The following FAM20A variants were observed in gnomAD, a reference collection of about 807,000 sequenced individuals.
FAM20A encodes the protein FAM20A golgi associated secretory pathway pseudokinase, also known as pseudokinase FAM20A.
In FAM20A, 42 loss-of-function variants were observed where a neutral mutation model predicts 52.0. The observed-to-expected ratio is 0.81, with a 90% confidence interval of 0.63 to 1.04. FAM20A has a LOEUF of 1.04. Among genes scored for constraint, FAM20A ranks in the 50% least tolerant of loss-of-function variants. The probability of loss-of-function intolerance (pLI) is 0.00; values close to 1 mark genes in which losing one functional copy is unlikely to be tolerated. For missense variants in FAM20A, 742 were observed against 712.7 expected (o/e 1.04, Z -0.47); for synonymous variants, 304 against 298.9 (o/e 1.02, Z -0.18).
Position 68,537,663 on chromosome 17 carries a change from T to G in FAM20A, c.1440A>C (p.Ser480=). ...CAGGGCTGAGCTGGTCTTCCAGCAG[T>G]GATTCTCGCATCACATCGCTGAGTC... The part of the protein sequence containing the change: ...DYRLSDVMRE[S]LLEDQLSPVL... The change falls in exon 11 of 11, where the codon TCA becomes TCC. Residue 480 remains serine (S), a synonymous_variant. Transcript: ENST00000592554. This position sits in a 1 kb window ranked among gnomAD's most constrained non-coding sequence, Gnocchi z 4.2. 6.2e-7 allele frequency: 1 copy of G among 1,613,858 alleles called. No individual in the cohort carries two copies. Among genetic ancestry groups the G allele is most frequent in the South Asian group, 1.1e-5 (1 of 90,934 alleles).
intron 1 of FAM20A, among the ~76,000 whole-genome samples, chr17:68,575,639 A>G (rs1317384624): frequency 9.1e-6 from 1 of 110,310 alleles, no homozygotes; most frequent in Admixed American, 1.2e-4. Context: ...TATAATATAG[A>G]ATATTATATT....
At chr17:68,567,493 G>C (rs2087410355) in intron 1 of FAM20A, among the ~76,000 whole-genome samples, 1 of 151,946 alleles carries the variant, frequency 6.6e-6, no homozygotes, top group African/African-American at 2.4e-5. Context: ...TCTCCCTGAA[G>C]CTGGCCCTGG....
intron 4 of FAM20A, among the ~76,000 whole-genome samples, chr17:68,549,514 G>A (rs2143628916): frequency 6.9e-6 from 1 of 144,584 alleles, no homozygotes; most frequent in Non-Finnish European, 1.5e-5. Flanking sequence ...AAAAAAGTTA[G>A]AGACATCCTA....
At chr17:68,561,653 T>A (rs2087218408) in intron 1 of FAM20A, among the ~76,000 whole-genome samples, 1 of 151,306 alleles carries the variant, frequency 6.6e-6, no homozygotes, top group African/African-American at 2.4e-5. Context: ...CTTATCCACA[T>A]GAATTTTACA....
intron 5 of FAM20A, 56 bp from the exon 6 acceptor site, chr17:68,542,865 G>A: frequency 7.2e-7 from 1 of 1,393,348 alleles, no homozygotes; most frequent in Non-Finnish European, 1.0e-6. Context: ...TGAGGAGGAG[G>A]GGTTTTGTCC....
intron 1 of FAM20A, among the ~76,000 whole-genome samples, chr17:68,573,829 C>T (rs1244693519): frequency 3.3e-5 from 5 of 151,966 alleles, no homozygotes; most frequent in African/African-American, 1.2e-4. Context: ...GCCACCATGC[C>T]CAGCCCAGCT....
chr17:68,600,509 A>T lies in FAM20A; in HGVS notation c.158T>A (p.Leu53Gln), dbSNP rs79958465. 3.1e-3 allele frequency: 4,900 copies of T among 1,584,974 alleles called. 126 individuals are homozygous for T. In the African/African-American group the frequency reaches 0.056, roughly 18 times the overall value. ...GGCAGCTGCGGCCGAGTCCCGCGCC[A>T]GGGAGGAGGCGCGGCCGGTGCACGG... ...GCPCTGRASS[L>Q]ARDSAAAASD... is the part of the protein sequence containing the mutation. The change falls in exon 1 of 11, where the codon CTG becomes CAG. Residue 53 changes from leucine to glutamine, a missense_variant. Coordinates refer to ENST00000592554, the MANE Select transcript of FAM20A (RefSeq NM_017565.4). This position sits in a 1 kb window ranked among gnomAD's most constrained non-coding sequence, Gnocchi z 6.2.
chr17:68,535,209 T>C lies in FAM20A; in HGVS notation c.*2268A>G. On this transcript the variant is annotated 3_prime_UTR_variant, in exon 11 of 11. Coordinates refer to ENST00000592554, the MANE Select transcript of FAM20A (RefSeq NM_017565.4). ...AGTAAGAATGAAACGGTTGGTTTTC[T>C]GATATTTTTGAGAAATGAGTCTTAA... The C allele has an allele frequency of 2.2e-6, 1 of 448,130 alleles. No individual in the cohort carries two copies. Among genetic ancestry groups the C allele is most frequent in the Non-Finnish European group, 4.5e-6 (1 of 222,582 alleles). The allele number at this position is 448,130 out of a possible 1,614,324, so 27.8% of individuals were successfully genotyped here.
At chr17:68,559,900 T>G (rs964125640) in intron 1 of FAM20A, among the ~76,000 whole-genome samples, 29 of 152,214 alleles carry the variant, frequency 1.9e-4, no homozygotes, top group Admixed American at 1.2e-3. Context: ...CTCCTCATTC[T>G]TTGTTAAGTT....
intron 1 of FAM20A, among the ~76,000 whole-genome samples, chr17:68,564,156 C>T (rs929501675): frequency 1.3e-5 from 2 of 148,192 alleles, no homozygotes; most frequent in Non-Finnish European, 3.0e-5. Context: ...CAGCCCCCCA[C>T]GAGATACATA....
intron 1 of FAM20A, among the ~76,000 whole-genome samples, chr17:68,582,158 T>C (rs945417554): frequency 2.6e-5 from 4 of 152,180 alleles, no homozygotes; most frequent in Non-Finnish European, 5.9e-5. Flanking sequence ...AAAAGAGTTG[T>C]TCCTAGAATC....
At chr17:68,588,138 AGGGG>A (rs144550452) in intron 1 of FAM20A, among the ~76,000 whole-genome samples, 1 of 149,386 alleles carries the variant, frequency 6.7e-6, no homozygotes, top group African/African-American at 2.4e-5. Context: ...AAAAAAAAAA[AGGGG>A]GCCCAGAAGA....
At chr17:68,598,511 A>G (rs2088521990) in intron 1 of FAM20A, among the ~76,000 whole-genome samples, 1 of 152,100 alleles carries the variant, frequency 6.6e-6, no homozygotes, top group African/African-American at 2.4e-5. Context: ...ACCACACAAA[A>G]CTACTCTGTG....
chr17:68,591,225 G>T (rs2143912244), intron 1 of FAM20A, among the ~76,000 whole-genome samples: 1 of 152,276 alleles, frequency 6.6e-6, no homozygotes, highest in Admixed American at 6.5e-5. Flanking sequence ...TCCTGCCTCA[G>T]CCTCCCGAGT....
Position 68,567,888 on chromosome 17 carries a change from C to T in FAM20A, c.405-12145G>A, listed in dbSNP as rs555525146. Among the ~76,000 whole-genome samples the T allele has an allele frequency of 2.4e-3, 360 of 152,004 alleles. 8 individuals carry two copies. The highest frequency in any genetic ancestry group is 8.3e-3 in the African/African-American group (344 of 41,290). On this transcript the variant is annotated intron_variant, in intron 1 of 10. Transcript: ENST00000592554. ...CACTTCCTTGTTCTTGCACTCGCTC[C>T]CTCCTGCCACCTTGTGAAGAAGGTA...
intron 4 of FAM20A, among the ~76,000 whole-genome samples, chr17:68,547,550 C>G (rs1006991153): frequency 2.2e-4 from 34 of 152,332 alleles, no homozygotes; most frequent in African/African-American, 7.5e-4. Context: ...ACTGCTTCAC[C>G]TTGTACTTTT....
chr17:68,561,726 T>C (rs2087220268), intron 1 of FAM20A, among the ~76,000 whole-genome samples: 1 of 152,172 alleles, frequency 6.6e-6, no homozygotes, highest in Non-Finnish European at 1.5e-5. Context: ...TCAAGTAACC[T>C]TATTATAATG....
chr17:68,582,922 C>A (rs922627083), intron 1 of FAM20A, among the ~76,000 whole-genome samples: 2 of 151,174 alleles, frequency 1.3e-5, no homozygotes, highest in Non-Finnish European at 2.9e-5. Flanking sequence ...ACCTTAGCCT[C>A]CCGAGTAGCT....
In FAM20A at chr17:68,586,464, T is replaced by A. The variant is rs188450562; in HGVS notation, c.404+13799A>T. On this transcript the variant is annotated intron_variant, in intron 1 of 10. Transcript: ENST00000592554. The stretch of plus-strand genomic sequence containing the variant: ...TTTAACTAAATTAAGGATCTTGAGA[T>A]GAGATCATCTTGAATCATTTAGGTG... Among the ~76,000 whole-genome samples the A allele has an allele frequency of 8.6e-4, 131 of 152,330 alleles. 1 individual carries two copies. The highest frequency in any genetic ancestry group is 2.7e-3 in the African/African-American group (114 of 41,568).
Sources: gnomAD v4.1 joint callset for allele counts (sites outside exome capture counted in the v4.1 genomes callset) on GRCh38, gnomAD v4.1.1 for gene constraint, Gnocchi (gnomAD v3.1) non-coding constraint, MANE v1.5 for transcripts, NCBI Gene and HGNC (gene_info 2026-07-23, HGNC 2026-07-21) for gene names.